Variants in ZNF541 observed in about 807,000 individuals in gnomAD.
The protein encoded by ZNF541 is zinc finger protein 541.
Under a neutral mutation model 123.5 loss-of-function variants are expected in ZNF541, and 23 were observed. That is an observed-to-expected ratio of 0.19 (90% confidence interval 0.13 to 0.26). ZNF541 has a LOEUF of 0.26. Among genes scored for constraint, ZNF541 ranks in the 10% least tolerant of loss-of-function variants. The probability of loss-of-function intolerance (pLI) is 1.00; values close to 1 mark genes in which losing one functional copy is unlikely to be tolerated. For missense variants in ZNF541, 1,612 were observed against 1,789.9 expected (o/e 0.90, Z 1.79); for synonymous variants, 751 against 754.5 (o/e 1.00, Z 0.08).
At chr19:47,523,610 A>G (rs1478193638) in intron 14 of ZNF541, among the ~76,000 whole-genome samples, 5 of 152,204 alleles carry the variant, frequency 3.3e-5, no homozygotes, top group African/African-American at 1.2e-4. Flanking sequence ...CAATGAAAAC[A>G]CAGAGTCAAA....
In ZNF541 at chr19:47,545,001, A is replaced by G. The variant is rs1179042922; in HGVS notation, c.1528T>C (p.Ser510Pro). The change falls in exon 5 of 17, where the codon TCC (serine) becomes CCC (proline). Residue 510 changes from serine (S) to proline (P), a missense_variant. Around this residue, in one of 5 missense-constraint regions of ZNF541, gnomAD observed 1,080 missense variants for 1,013.8 expected, o/e 1.07. Coordinates refer to ENST00000391901, the MANE Select transcript of ZNF541 (RefSeq NM_001277075.3). This position sits in a 1 kb window ranked among gnomAD's most constrained non-coding sequence, Gnocchi z 7.5. ...APKKVKVDCD[S>P]FLCQNPGEPG... ...TCCCCGGGGTTCTGGCACAGGAAGG[A>G]GTCGCAGTCGACCTTGACCTTCTTG... 36 of 1,521,872 alleles carry G rather than the reference A, an allele frequency of 2.4e-5. No individual in the cohort carries two copies. Among genetic ancestry groups the G allele is most frequent in the Non-Finnish European group, 3.2e-5 (36 of 1,140,390 alleles). The allele number at this position is 1,521,872 out of a possible 1,614,324, so 94.3% of individuals were successfully genotyped here.
At chr19:47,552,334 G>A (rs550801962) in intron 3 of ZNF541, among the ~76,000 whole-genome samples, 1 of 152,132 alleles carries the variant, frequency 6.6e-6, no homozygotes, top group Non-Finnish European at 1.5e-5. Context: ...GGGAAACTGG[G>A]CTGGGAGTCT....
At chr19:47,567,229 T>G (rs1235945922) in intron 2 of ZNF541, among the ~76,000 whole-genome samples, 1 of 151,906 alleles carries the variant, frequency 6.6e-6, no homozygotes, top group Non-Finnish European at 1.5e-5. Flanking sequence ...CTAAACTCTT[T>G]ATTTTATTTA....
chr19:47,569,496 A>G (rs1971396246), intron 2 of ZNF541, among the ~76,000 whole-genome samples: 1 of 152,036 alleles, frequency 6.6e-6, no homozygotes. Flanking sequence ...CCGCTCCACT[A>G]TGCTTTTATC....
chr19:47,534,393 G>A (rs1363673805), intron 9 of ZNF541, among the ~76,000 whole-genome samples: 1 of 152,218 alleles, frequency 6.6e-6, no homozygotes, highest in African/African-American at 2.4e-5. Context: ...GCTCACGCCT[G>A]TAATCCCAGC....
At chr19:47,568,554 G>A (rs1219917070) in intron 2 of ZNF541, among the ~76,000 whole-genome samples, 1 of 152,082 alleles carries the variant, frequency 6.6e-6, no homozygotes, top group Non-Finnish European at 1.5e-5. Context: ...ATGTTGGCCA[G>A]GCTGGCCTCG....
intron 14 of ZNF541, among the ~76,000 whole-genome samples, chr19:47,528,309 C>T (rs527815483): frequency 3.1e-4 from 44 of 141,454 alleles, no homozygotes; most frequent in Non-Finnish European, 6.1e-4. Context: ...GAGCAAAACT[C>T]CGTCTCAAAA....
intron 2 of ZNF541, among the ~76,000 whole-genome samples, chr19:47,568,899 T>C (rs1971369887): frequency 6.6e-6 from 1 of 152,148 alleles, no homozygotes; most frequent in Admixed American, 6.6e-5. Flanking sequence ...CTCAAACTCC[T>C]GACCTCGTGA....
chr19:47,555,422 G>T (rs1970777781), intron 3 of ZNF541, 128 bp downstream of exon 3: 7 of 753,962 alleles, frequency 9.3e-6, no homozygotes, highest in Non-Finnish European at 1.4e-5. Context: ...GAAAAAAGGT[G>T]ACTGTTCCCT....
chr19:47,536,124 T>C (rs1457250360), intron 9 of ZNF541, among the ~76,000 whole-genome samples: 2 of 152,242 alleles, frequency 1.3e-5, no homozygotes, highest in African/African-American at 4.8e-5. Flanking sequence ...ATGCTATTGT[T>C]TGTGGTTTAA....
chr19:47,532,711 T>C (rs138349331), intron 10 of ZNF541, among the ~76,000 whole-genome samples, 198 bp downstream of exon 10: 7 of 151,372 alleles, frequency 4.6e-5, no homozygotes, highest in African/African-American at 1.7e-4. Flanking sequence ...GGGATTTTCA[T>C]ATATATATAT....
intron 9 of ZNF541, among the ~76,000 whole-genome samples, chr19:47,535,537 C>A (rs1257426516): frequency 6.6e-6 from 1 of 152,066 alleles, no homozygotes; most frequent in Non-Finnish European, 1.5e-5. Flanking sequence ...GAAAACAATC[C>A]GGCAGTTTGT....
intron 2 of ZNF541, among the ~76,000 whole-genome samples, chr19:47,566,229 G>T (rs1971257704): frequency 6.6e-6 from 1 of 151,988 alleles, no homozygotes; most frequent in South Asian, 2.1e-4. Flanking sequence ...ACTGGTGGGG[G>T]TGAGGGGAAA....
At chr19:47,543,788 G>A (rs994199176) in intron 5 of ZNF541, among the ~76,000 whole-genome samples, 7 of 151,912 alleles carry the variant, frequency 4.6e-5, no homozygotes, top group Admixed American at 6.6e-5. Flanking sequence ...GACCACAGGC[G>A]TGTGCCACCA....
intron 8 of ZNF541, 133 bp downstream of exon 8, chr19:47,539,572 G>C (rs891729993): frequency 1.3e-5 from 13 of 1,035,622 alleles, no homozygotes; most frequent in African/African-American, 1.7e-5. Context: ...AAAGTGCTGG[G>C]ATTACAGGCA....
chr19:47,536,069 C>G (rs1214854935), intron 9 of ZNF541, among the ~76,000 whole-genome samples: 1 of 152,196 alleles, frequency 6.6e-6, no homozygotes, highest in Non-Finnish European at 1.5e-5. Flanking sequence ...ATATGTCTGG[C>G]TAGTTATCTG....
chr19:47,531,744 C>A lies in ZNF541; in HGVS notation c.3303G>T (p.Val1101=). Residue 1101 remains valine, a splice_region_variant and synonymous_variant, in exon 12 of 17, where the codon GTG becomes GTT. Coordinates refer to ENST00000391901, the MANE Select transcript of ZNF541 (RefSeq NM_001277075.3). ...MMISSETQDR[V]TELCNVACSS... ...AGCATGCCACATTGCAGAGCTCGGTCACTGTTTCCAAGAAGGACATGAGGA... is the reference window on the plus strand; with the variant it reads ...AGCATGCCACATTGCAGAGCTCGGTAACTGTTTCCAAGAAGGACATGAGGA... 1 of 1,541,064 alleles carries A rather than the reference C, an allele frequency of 6.5e-7. No homozygotes were observed. Among genetic ancestry groups the A allele is most frequent in the South Asian group, 1.2e-5 (1 of 83,440 alleles).
chr19:47,573,106 G>C lies in ZNF541; in HGVS notation c.-269C>G, dbSNP rs1210998849. 9.3e-5 allele frequency among the ~76,000 whole-genome samples: 14 copies of C among 150,102 alleles called. No homozygotes were observed. The highest frequency in any genetic ancestry group is 2.7e-4 in the African/African-American group (11 of 41,296). On this transcript the variant is annotated 5_prime_UTR_variant, in exon 1 of 17. Coordinates refer to ENST00000391901, the MANE Select transcript of ZNF541 (RefSeq NM_001277075.3). ...ACCCGCCCCCGGGGGCTCGCGCGCC[G>C]GGCCTCGCGCCTGGCGCCTCGCGGG...
chr19:47,546,217 A>AC (rs1223361563), intron 4 of ZNF541, among the ~76,000 whole-genome samples: 8 of 151,776 alleles, frequency 5.3e-5, no homozygotes, highest in Admixed American at 2.6e-4. Context: ...AAAAAAAAAA[A>AC]AAAAAACCAG....
Sources: allele counts gnomAD v4.1 joint callset (sites outside exome capture counted in the v4.1 genomes callset), GRCh38; gene constraint gnomAD v4.1.1; regional missense constraint gnomAD v4.1.1; non-coding constraint Gnocchi (gnomAD v3.1); transcripts MANE v1.5; gene names NCBI Gene and HGNC (gene_info 2026-07-23, HGNC 2026-07-21).